GART: variants seen among roughly 807,000 people sequenced by gnomAD.
GART encodes trifunctional purine biosynthetic protein adenosine-3.
Under a neutral mutation model 107.2 loss-of-function variants are expected in GART, and 43 were observed. The observed-to-expected ratio is 0.40, with a 90% CI of 0.31 to 0.52. The LOEUF (loss-of-function observed/expected upper bound fraction) is 0.52. Ranked by LOEUF, GART falls within the 20% of genes least tolerant of loss-of-function variation. GART has a pLI of 0.52. For synonymous variants in GART, 434 were observed against 427.0 expected (o/e 1.02, Z -0.20); for missense variants, 1,107 against 1,206.5 (o/e 0.92, Z 1.22).
At chr21:33,504,592 C>T (rs1288080499) in intron 20 of GART, 65 bp from the exon 21 acceptor site, 8 of 1,163,778 alleles carry the variant, frequency 6.9e-6, no homozygotes, top group East Asian at 2.4e-5. Context: ...TAAAGGAATA[C>T]GTTTTCCTAT....
At chr21:33,529,022 T>C in intron 7 of GART, 85 bp from the exon 8 acceptor site, 1 of 827,440 alleles carries the variant, frequency 1.2e-6, no homozygotes, top group Non-Finnish European at 2.0e-6. Context: ...AAGGGGATGA[T>C]GAGGATAACT....
chr21:33,524,230 A>G, intron 11 of GART: 1 of 985,688 alleles, frequency 1.0e-6, no homozygotes, highest in Non-Finnish European at 1.2e-6. Context: ...TTCAAATACA[A>G]CACTATGTGA....
chr21:33,524,775 T>C lies in GART; in HGVS notation c.1292A>G (p.Gln431Arg). 6.2e-7 allele frequency: 1 copy of C among 1,614,230 alleles called. No homozygotes were observed. Among genetic ancestry groups the C allele is most frequent in the Non-Finnish European group, 8.5e-7 (1 of 1,180,024 alleles). Reference protein sequence around the residue: ...VGFRAIAFLQQPRSLTYKESG... With the variant: ...VGFRAIAFLQRPRSLTYKESG... ...AACTTGCTTAGAGTTTTACCTGGGC[T>C]GCTGGAGGAAAGCTATGGCACGAAA... The change falls in exon 11 of 22, where the codon CAG becomes CGG. Residue 431 changes from glutamine (Q) to arginine (R), a missense_variant. Transcript: ENST00000381815.
chr21:33,519,089 C>A (rs750296817), intron 14 of GART: 4 of 288,318 alleles, frequency 1.4e-5, no homozygotes, highest in Non-Finnish European at 2.1e-5. Flanking sequence ...TCCATCATTA[C>A]GCAATTGTGC....
At chr21:33,531,010 A>C (rs1156641635) in intron 6 of GART, 126 bp from the exon 7 acceptor site, 1 of 767,598 alleles carries the variant, frequency 1.3e-6, no homozygotes, top group East Asian at 3.5e-5. Flanking sequence ...TTTTGCAGAG[A>C]AATGAACCGA....
rs1441669817 is a variant in GART at position 33,528,792 on chromosome 21, T to C, written c.811+58A>G. Reference sequence around the variant, plus strand: ...AAAAAAGGGAATGGAAAATAAGTTTTATCAAAAGTAGAAAGTTACTCTATA... The same window carrying C: ...AAAAAAGGGAATGGAAAATAAGTTTCATCAAAAGTAGAAAGTTACTCTATA... On this transcript the variant is annotated intron_variant, in intron 8 of 21. Transcript: ENST00000381815. 6 of 1,313,970 alleles carry C rather than the reference T, an allele frequency of 4.6e-6. No individual in the cohort carries two copies. The South Asian group carries it at 6.6e-5, about 15-fold the overall frequency. 81.4% of individuals were successfully genotyped at this position (1,313,970 alleles called of 1,614,324 possible).
At chr21:33,542,836 G>A, upstream of GART, 1 of 558,262 alleles carries the variant, frequency 1.8e-6, no homozygotes, top group Non-Finnish European at 3.2e-6. Context: ...AATGGCGCCT[G>A]CGTCAGACAC....
Position 33,532,234 on chromosome 21 carries a change from CAT to C in GART, c.528+109_528+110del, listed in dbSNP as rs1025283317. 122 of 725,816 alleles carry C rather than the reference CAT, an allele frequency of 1.7e-4. 1 individual carries two copies. In the African/African-American group the frequency reaches 1.7e-3, roughly 10 times the overall value. 45.0% of individuals were successfully genotyped at this position (725,816 alleles called of 1,614,324 possible). ...ATGGGATTATAAAAAATAACTTACCCATATGTTTGCAAAATAGATTTTCCTTA... is the reference window on the plus strand; with the variant it reads ...ATGGGATTATAAAAAATAACTTACCCATGTTTGCAAAATAGATTTTCCTTA... On this transcript the variant is annotated intron_variant, in intron 5 of 21. Transcript: ENST00000381815.
At position 33,517,410 on chromosome 21, in the gene GART, G is replaced by T; in HGVS notation, c.1901C>A (p.Ser634Tyr). The T allele has an allele frequency of 6.2e-7, 1 of 1,614,192 alleles. No individual in the cohort carries two copies. The change falls in exon 15 of 22, where the codon TCT becomes TAT. Residue 634 changes from serine to tyrosine, a missense_variant. By Grantham distance (144) the Ser-to-Tyr change is moderately radical. Coordinates refer to ENST00000381815, the MANE Select transcript of GART (RefSeq NM_000819.5). The stretch of plus-strand genomic sequence containing the variant: ...TGCTGGAGAGGAGTACTGGAGGGAA[G>T]ATTTTGCCACGATTTTCCTCACAAG... ...FSLVRKIVAK[S>Y]SLQYSSPAPD...
intron 16 of GART, among the ~76,000 whole-genome samples, chr21:33,516,314 T>C (rs6517178): frequency 0.46 from 69,184 of 150,400 alleles, 16,346 homozygotes; most frequent in East Asian, 0.58. Context: ...TACTTTTACA[T>C]GGTTTACCCA....
intron 11 of GART, chr21:33,524,303 A>G: frequency 1.0e-6 from 1 of 979,234 alleles, no homozygotes; most frequent in African/African-American, 1.7e-5. Context: ...TAATCCCAGC[A>G]TTTTGGGAGG....
intron 11 of GART, among the ~76,000 whole-genome samples, chr21:33,522,613 A>C (rs2084993527): frequency 6.6e-6 from 1 of 152,218 alleles, no homozygotes; most frequent in African/African-American, 2.4e-5. Context: ...ATGATTTTTT[A>C]TTAAGGTAGA....
intron 4 of GART, 87 bp downstream of exon 4, chr21:33,534,492 C>T: frequency 7.0e-7 from 1 of 1,426,948 alleles, no homozygotes; most frequent in South Asian, 1.2e-5. Context: ...GCTGGGATTA[C>T]AGGTGAGCTA....
intron 15 of GART, 91 bp downstream of exon 15, chr21:33,517,266 C>T (rs1171053445): frequency 6.4e-7 from 1 of 1,552,708 alleles, no homozygotes; most frequent in African/African-American, 1.4e-5. Context: ...GTAATTCATT[C>T]CCTTTTAGCT....
At chr21:33,513,562 T>C (rs1348804853) in intron 16 of GART, among the ~76,000 whole-genome samples, 1 of 152,064 alleles carries the variant, frequency 6.6e-6, no homozygotes, top group Non-Finnish European at 1.5e-5. Flanking sequence ...AGGGTGAGAC[T>C]CTGTCTAAAA....
chr21:33,525,773 G>A (rs111675721), intron 10 of GART, among the ~76,000 whole-genome samples: 14 of 151,770 alleles, frequency 9.2e-5, no homozygotes, highest in African/African-American at 2.7e-4. Flanking sequence ...TTGTGTTATC[G>A]TAAATCTCAT....
intron 3 of GART, 40 bp from the exon 4 acceptor site, chr21:33,534,793 C>A: frequency 6.7e-7 from 1 of 1,503,648 alleles, no homozygotes; most frequent in East Asian, 2.4e-5. Flanking sequence ...ACCAAGGTCT[C>A]CCCAGGGGCT....
rs2085361493 is a variant in GART at position 33,539,224 on chromosome 21, A to G, written c.92T>C (p.Leu31Ser). 6.2e-7 allele frequency: 1 copy of G among 1,614,224 alleles called. No individual in the cohort carries two copies. The highest frequency in any genetic ancestry group is 8.5e-7 in the Non-Finnish European group (1 of 1,180,030). The change falls in exon 2 of 22, where the codon TTG (leucine) becomes TCG (serine). Residue 31 changes from leucine to serine, a missense_variant. Leu to Ser is a moderately radical substitution (Grantham distance 145, BLOSUM62 -2). Transcript: ENST00000381815. Reference sequence around the variant, plus strand: ...AGTGCCTGCGTTTCCTGGGGCAACCAACACTTGTTTGACATGATGAGACTG... The same window carrying G: ...AGTGCCTGCGTTTCCTGGGGCAACCGACACTTGTTTGACATGATGAGACTG... ...LAQSHHVKQV[L>S]VAPGNAGTAC...
chr21:33,519,282 G>A (rs1355288780), intron 14 of GART, among the ~76,000 whole-genome samples: 2 of 152,108 alleles, frequency 1.3e-5, no homozygotes, highest in Non-Finnish European at 2.9e-5. Context: ...GGCCGGGCAC[G>A]GTGGCTCATG....
Sources: allele counts gnomAD v4.1 joint callset (sites outside exome capture counted in the v4.1 genomes callset), GRCh38; gene constraint gnomAD v4.1.1; transcripts MANE v1.5; gene names NCBI Gene and HGNC (gene_info 2026-07-23, HGNC 2026-07-21).